Variants in GRIK1 observed in about 807,000 individuals in gnomAD.
The protein encoded by GRIK1 is glutamate receptor ionotropic, kainate 1.
Under a neutral mutation model 105.7 loss-of-function variants are expected in GRIK1, and 69 were observed. The observed-to-expected ratio is 0.65, with a 90% CI of 0.54 to 0.80. GRIK1 has a LOEUF of 0.80. Ranked by LOEUF, GRIK1 falls within the 30% of genes least tolerant of loss-of-function variation. The pLI, the probability that GRIK1 is intolerant of heterozygous loss-of-function variation, is 0.00. For synonymous variants in GRIK1, 438 were observed against 431.3 expected, an observed-to-expected ratio of 1.02 and a Z score of -0.19; for missense variants, 1,109 against 1,167.3, an observed-to-expected ratio of 0.95 and a Z score of 0.73.
At chr21:29,574,164 A>T (rs2090828496) in intron 14 of GRIK1, among the ~76,000 whole-genome samples, 1 of 152,228 alleles carries the variant, frequency 6.6e-6, no homozygotes, top group Non-Finnish European at 1.5e-5. Context: ...ATGTGCAAAC[A>T]TTCTAAAACC....
intron 1 of GRIK1, among the ~76,000 whole-genome samples, chr21:29,773,345 A>G (rs1055063981): frequency 1.3e-5 from 2 of 152,188 alleles, no homozygotes. Context: ...AGTATTTCAA[A>G]ATAAGCACTG....
rs1234887118 is a variant in GRIK1 at position 29,888,198 on chromosome 21, TC to T, written c.118+51184del. 1.5e-3 allele frequency among the ~76,000 whole-genome samples: 58 copies of T among 38,228 alleles called. 2 individuals are homozygous for T. The highest frequency in any genetic ancestry group is 7.3e-3 in the South Asian group (5 of 688). 25.1% of individuals were successfully genotyped at this position (38,228 alleles called of 152,430 possible). A position where few individuals can be genotyped will look rare whatever the true frequency, so the allele number is the denominator to read the frequency against. Reference sequence around the variant, plus strand: ...CTTTCTTTCTTCCTTTCTTTCTTTCTCTCTCTCTCTCTCTCTCTCTCTCTCT... The same window carrying T: ...CTTTCTTTCTTCCTTTCTTTCTTTCTTCTCTCTCTCTCTCTCTCTCTCTCT... On this transcript the variant is annotated intron_variant, in intron 1 of 17. Transcript: ENST00000327783.
intron 14 of GRIK1, among the ~76,000 whole-genome samples, chr21:29,572,303 C>T (rs1601150072): frequency 6.6e-6 from 1 of 152,124 alleles, no homozygotes; most frequent in Non-Finnish European, 1.5e-5. Flanking sequence ...TCTGCAAATA[C>T]ATTTCTTCTC....
intron 10 of GRIK1, 66 bp downstream of exon 10, chr21:29,591,046 G>A: frequency 1.2e-6 from 1 of 865,616 alleles, no homozygotes. Flanking sequence ...AGACAGTTGA[G>A]GAATGCTTCG....
Position 29,790,263 on chromosome 21 carries a change from G to A in GRIK1, c.119-96200C>T, listed in dbSNP as rs1281713820. Among the ~76,000 whole-genome samples the A allele has an allele frequency of 2.0e-5, 3 of 152,184 alleles. No homozygotes were observed. In the East Asian group the frequency reaches 5.8e-4, roughly 29 times the overall value. ...GGGGTTTCACCATGTTGGCCAGGAT[G>A]GTCTCAATATCTTCACCTCATGATC... On this transcript the variant is annotated intron_variant, in intron 1 of 17. Transcript: ENST00000327783.
chr21:29,788,899 G>A (rs2066336080), intron 1 of GRIK1, among the ~76,000 whole-genome samples: 1 of 152,184 alleles, frequency 6.6e-6, no homozygotes, highest in Non-Finnish European at 1.5e-5. Flanking sequence ...GTGGTAATGT[G>A]AGAATGGGGA....
Position 29,757,325 on chromosome 21 carries a change from C to T in GRIK1, c.119-63262G>A, listed in dbSNP as rs542691105. On this transcript the variant is annotated intron_variant, in intron 1 of 17. Coordinates refer to ENST00000327783, the MANE Select transcript of GRIK1 (RefSeq NM_001330994.2). ...GCTCCAAAATCAGGGTAGAAGGTTTCCTTCAACTTCTCAGATTAACTATTT... is the reference window on the plus strand; with the variant it reads ...GCTCCAAAATCAGGGTAGAAGGTTTTCTTCAACTTCTCAGATTAACTATTT... Among the ~76,000 whole-genome samples the T allele has an allele frequency of 1.0e-3, 153 of 152,208 alleles. 3 individuals are homozygous for T. In the South Asian group the frequency reaches 0.031, roughly 31 times the overall value.
At chr21:29,913,017 C>A (rs1045911499) in intron 1 of GRIK1, among the ~76,000 whole-genome samples, 1 of 152,082 alleles carries the variant, frequency 6.6e-6, no homozygotes, top group Non-Finnish European at 1.5e-5. Context: ...GTACTTAATA[C>A]ATGCCATGGG....
chr21:29,666,100 A>G (rs2063053896), intron 4 of GRIK1, among the ~76,000 whole-genome samples: 1 of 152,208 alleles, frequency 6.6e-6, no homozygotes, highest in African/African-American at 2.4e-5. Flanking sequence ...AACTGAAAAC[A>G]AAAGTGAAAA....
chr21:29,883,064 G>C (rs938287746), intron 1 of GRIK1, among the ~76,000 whole-genome samples: 13 of 152,016 alleles, frequency 8.6e-5, no homozygotes, highest in Non-Finnish European at 1.8e-4. Flanking sequence ...TGGCTTGTCT[G>C]TTGCTAATAC....
At chr21:29,576,439 TTA>T (rs1163691527) in intron 14 of GRIK1, among the ~76,000 whole-genome samples, 2 of 152,212 alleles carry the variant, frequency 1.3e-5, no homozygotes, top group Non-Finnish European at 2.9e-5. Context: ...GGACTCAGTA[TTA>T]GACCAGAGTC....
At chr21:29,936,942 T>C (rs1178846305) in intron 1 of GRIK1, among the ~76,000 whole-genome samples, 1 of 152,214 alleles carries the variant, frequency 6.6e-6, no homozygotes, top group South Asian at 2.1e-4. Context: ...CTAAAAAACA[T>C]GCCAGTTAAT....
At chr21:29,764,688 C>T (rs2065613730) in intron 1 of GRIK1, among the ~76,000 whole-genome samples, 1 of 152,096 alleles carries the variant, frequency 6.6e-6, no homozygotes, top group African/African-American at 2.4e-5. Context: ...ATAAACACAT[C>T]ATAAGATCAT....
At chr21:29,915,866 T>A (rs458979) in intron 1 of GRIK1, among the ~76,000 whole-genome samples, 1 of 151,770 alleles carries the variant, frequency 6.6e-6, no homozygotes, top group South Asian at 2.1e-4. Context: ...TCTTTGTTTA[T>A]CTGTGGATCC....
intron 4 of GRIK1, among the ~76,000 whole-genome samples, chr21:29,664,529 T>A (rs771340490): frequency 6.6e-6 from 1 of 152,092 alleles, no homozygotes; most frequent in East Asian, 1.9e-4. Flanking sequence ...TAAATAATGA[T>A]CTCGTCTAAC....
At chr21:29,704,969 C>CTT (rs2063876578) in intron 1 of GRIK1, among the ~76,000 whole-genome samples, 1 of 152,208 alleles carries the variant, frequency 6.6e-6, no homozygotes, top group Admixed American at 6.5e-5. Flanking sequence ...ATAGTTTTAG[C>CTT]TTTTAACATC....
intron 1 of GRIK1, among the ~76,000 whole-genome samples, chr21:29,897,274 A>C (rs2070205021): frequency 6.6e-6 from 1 of 152,188 alleles, no homozygotes; most frequent in East Asian, 1.9e-4. Context: ...AGTGAATTTC[A>C]AGTTGAAATT....
rs2063158513 is a variant in GRIK1 at position 29,671,431 on chromosome 21, A to G, written c.726+1552T>C. On this transcript the variant is annotated intron_variant, in intron 4 of 17. Coordinates refer to ENST00000327783, the MANE Select transcript of GRIK1 (RefSeq NM_001330994.2). ...TTTTTTTTTTTTTTTTACTCTAATCATCCAGCACATAATAGAAACATTTGG... is the reference window on the plus strand; with the variant it reads ...TTTTTTTTTTTTTTTTACTCTAATCGTCCAGCACATAATAGAAACATTTGG... Among the ~76,000 whole-genome samples, 5 of 148,892 alleles carry G rather than the reference A, an allele frequency of 3.4e-5. No homozygotes were observed. The South Asian group carries it at 1.1e-3, about 31-fold the overall frequency.
chr21:29,796,006 C>A (rs1412245186), intron 1 of GRIK1, among the ~76,000 whole-genome samples: 1 of 152,070 alleles, frequency 6.6e-6, no homozygotes, highest in African/African-American at 2.4e-5. Flanking sequence ...ACATTATCAC[C>A]CTTAAGATGG....
Sources: gnomAD v4.1 joint callset for allele counts (sites outside exome capture counted in the v4.1 genomes callset) on GRCh38, gnomAD v4.1.1 for gene constraint, MANE v1.5 for transcripts, NCBI Gene and HGNC (gene_info 2026-07-23, HGNC 2026-07-21) for gene names.